The following FAM222B variants were observed in gnomAD, a reference collection of about 807,000 sequenced individuals.
FAM222B encodes family with sequence similarity 222 member B.
In FAM222B, 12 loss-of-function variants were observed where a neutral mutation model predicts 38.0. The observed-to-expected ratio is 0.32, with a 90% CI of 0.20 to 0.51. The LOEUF (loss-of-function observed/expected upper bound fraction) is 0.51. FAM222B is among the 20% of genes least tolerant of loss of function. The pLI is 0.97. For synonymous variants in FAM222B, 329 were observed against 317.2 expected (o/e 1.04, Z -0.40); for missense variants, 716 against 754.2 (o/e 0.95, Z 0.59).
intron 1 of FAM222B, among the ~76,000 whole-genome samples, chr17:28,824,510 G>T: frequency 6.6e-6 from 1 of 151,986 alleles, no homozygotes; most frequent in South Asian, 2.1e-4. Context: ...TATTCTGCTA[G>T]TCTTACCCAT....
intron 1 of FAM222B, among the ~76,000 whole-genome samples, chr17:28,825,381 C>G (rs1451761065): frequency 1.4e-5 from 2 of 147,880 alleles, no homozygotes; most frequent in South Asian, 4.3e-4. Context: ...TTACGGGGAA[C>G]CAAGATTGCA....
chr17:28,807,368 TTGTG>T (rs908212671), intron 1 of FAM222B, among the ~76,000 whole-genome samples: 9 of 151,854 alleles, frequency 5.9e-5, no homozygotes, highest in African/African-American at 1.7e-4. Flanking sequence ...ACGCTTGTTT[TTGTG>T]TGTGTGTTTT....
chr17:28,787,382 G>A (rs530495125), intron 1 of FAM222B, among the ~76,000 whole-genome samples: 85 of 152,266 alleles, frequency 5.6e-4, no homozygotes, highest in African/African-American at 2.0e-3. Context: ...TGGACCATGA[G>A]GAATCCTGAT....
intron 1 of FAM222B, among the ~76,000 whole-genome samples, chr17:28,787,824 G>GTT (rs1354963705): frequency 8.2e-6 from 1 of 122,014 alleles, no homozygotes; most frequent in African/African-American, 3.6e-5. Context: ...TAATAAAGTA[G>GTT]TCTTTTTTTT....
chr17:28,772,158 T>TA (rs1384019328), intron 1 of FAM222B, among the ~76,000 whole-genome samples: 1 of 152,200 alleles, frequency 6.6e-6, no homozygotes, highest in Non-Finnish European at 1.5e-5. Context: ...GCTAATACTC[T>TA]GACGATGGGG....
chr17:28,841,438 T>C (rs769229601), intron 1 of FAM222B, among the ~76,000 whole-genome samples: 9 of 152,172 alleles, frequency 5.9e-5, no homozygotes, highest in Non-Finnish European at 1.3e-4. Flanking sequence ...GCAATAGCAC[T>C]ATCTCGGCTC....
intron 1 of FAM222B, among the ~76,000 whole-genome samples, chr17:28,807,889 C>G (rs1473177290): frequency 1.3e-5 from 2 of 152,074 alleles, no homozygotes; most frequent in Non-Finnish European, 2.9e-5. Flanking sequence ...TGGTTTAAAA[C>G]AAACAAAAAG....
chr17:28,806,856 C>T (rs2037518326), intron 1 of FAM222B, among the ~76,000 whole-genome samples: 1 of 152,050 alleles, frequency 6.6e-6, no homozygotes, highest in Non-Finnish European at 1.5e-5. Context: ...AGGAAGAATT[C>T]AGAGACCTTG....
chr17:28,756,344 G>GT lies in FAM222B; in HGVS notation c.*1925_*1926insA, dbSNP rs2034689262. The GT allele has an allele frequency of 6.6e-6, 1 of 152,644 alleles. No individual in the cohort carries two copies. Among genetic ancestry groups the GT allele is most frequent in the South Asian group, 2.1e-4 (1 of 4,830 alleles). 9.5% of individuals were successfully genotyped at this position (152,644 alleles called of 1,614,324 possible). A position where few individuals can be genotyped will look rare whatever the true frequency, so the allele number is the denominator to read the frequency against. ...CTTCAGAGGCTTGCACCCCTACACA[G>GT]GAAGAGATGGGTTTGAGGTTGTTTG... On this transcript the variant is annotated 3_prime_UTR_variant, in exon 3 of 3. Transcript: ENST00000581407.
intron 1 of FAM222B, among the ~76,000 whole-genome samples, chr17:28,779,744 C>T (rs1409446712): frequency 1.4e-5 from 2 of 144,110 alleles, no homozygotes; most frequent in Non-Finnish European, 3.1e-5. Flanking sequence ...GAGCGAGACT[C>T]CGTCTCAAAA....
upstream of FAM222B, among the ~76,000 whole-genome samples, chr17:28,844,133 A>G (rs937396553): frequency 1.3e-5 from 2 of 152,184 alleles, no homozygotes. Flanking sequence ...TAGCCTGACA[A>G]GAGACTAAGC....
intron 1 of FAM222B, among the ~76,000 whole-genome samples, chr17:28,825,379 A>C (rs1598026542): frequency 6.7e-6 from 1 of 150,364 alleles, no homozygotes; most frequent in Non-Finnish European, 1.5e-5. Flanking sequence ...GGTTACGGGG[A>C]ACCAAGATTG....
chr17:28,814,516 G>A (rs187169389), intron 1 of FAM222B, among the ~76,000 whole-genome samples: 10 of 152,224 alleles, frequency 6.6e-5, no homozygotes, highest in Non-Finnish European at 1.2e-4. Flanking sequence ...GAGTGCAGTG[G>A]TGAGATGCTG....
chr17:28,850,772 T>G lies in FAM222B; in HGVS notation c.-41+4178A>C, dbSNP rs897480365. 2.0e-5 allele frequency among the ~76,000 whole-genome samples: 3 copies of G among 152,150 alleles called. No individual in the cohort carries two copies. The South Asian group carries it at 6.2e-4, about 31-fold the overall frequency. ...TCATTGTGGTTCTAGAAACTTCTCG[T>G]GTGCAGTGTCTGACCAATTTTGAAC... On this transcript the variant is annotated intron_variant, in intron 1 of 2. Transcript: ENST00000577513.
intron 1 of FAM222B, among the ~76,000 whole-genome samples, chr17:28,778,539 T>G (rs998829818): frequency 1.5e-4 from 21 of 142,598 alleles, no homozygotes; most frequent in Admixed American, 5.0e-4. Flanking sequence ...GGCCTCCTTC[T>G]GTCACCCAGA....
intron 1 of FAM222B, among the ~76,000 whole-genome samples, chr17:28,808,636 T>C (rs1371876914): frequency 6.6e-6 from 1 of 152,162 alleles, no homozygotes; most frequent in East Asian, 1.9e-4. Context: ...AACAACTTCC[T>C]CAAAAGATTC....
intron 1 of FAM222B, among the ~76,000 whole-genome samples, chr17:28,769,931 G>A (rs2035542564): frequency 1.3e-5 from 2 of 152,146 alleles, no homozygotes; most frequent in Admixed American, 1.3e-4. Context: ...CTGCTTAAAT[G>A]TCACTTCTTA....
intron 1 of FAM222B, among the ~76,000 whole-genome samples, chr17:28,822,748 A>G (rs1051831080): frequency 3.0e-5 from 4 of 135,174 alleles, no homozygotes; most frequent in African/African-American, 1.1e-4. Flanking sequence ...GATTGCACTG[A>G]GCTGAGATCA....
At chr17:28,784,745 G>C (rs993321372) in intron 1 of FAM222B, among the ~76,000 whole-genome samples, 6 of 151,972 alleles carry the variant, frequency 3.9e-5, no homozygotes, top group Admixed American at 6.6e-5. Flanking sequence ...CAGGAGAATT[G>C]CTTGAACCCA....
Sources: allele counts gnomAD v4.1 joint callset (sites outside exome capture counted in the v4.1 genomes callset), GRCh38; gene constraint gnomAD v4.1.1; transcripts MANE v1.5; gene names NCBI Gene and HGNC (gene_info 2026-07-23, HGNC 2026-07-21).